MYO3B: variants seen among roughly 807,000 people sequenced by gnomAD.
MYO3B encodes the protein myosin-IIIb.
Under a neutral mutation model 174.6 loss-of-function variants are expected in MYO3B, and 156 were observed. The ratio of observed to expected loss-of-function variants is 0.89; its 90% CI spans 0.78 to 1.02. The LOEUF is 1.02. MYO3B is among the 50% of genes least tolerant of loss of function. The pLI is 0.00. For synonymous variants in MYO3B, 563 were observed against 569.1 expected (o/e 0.99, Z 0.15); for missense variants, 1,632 against 1,639.4 (o/e 1.00, Z 0.08).
chr2:170,459,250 C>T (rs182860669), intron 23 of MYO3B, among the ~76,000 whole-genome samples: 14 of 152,346 alleles, frequency 9.2e-5, no homozygotes, highest in Admixed American at 8.5e-4. Context: ...TGACCCTACC[C>T]ACATCCTGCG....
chr2:170,430,471 G>A (rs921652137), intron 22 of MYO3B, among the ~76,000 whole-genome samples: 16 of 150,504 alleles, frequency 1.1e-4, no homozygotes, highest in East Asian at 3.9e-4. Context: ...TCCTGGGTTC[G>A]AGGGATTCTC....
intron 18 of MYO3B, among the ~76,000 whole-genome samples, chr2:170,401,960 G>T (rs1265374726): frequency 6.6e-6 from 1 of 152,026 alleles, no homozygotes; most frequent in East Asian, 1.9e-4. Flanking sequence ...GTGCCACCAC[G>T]CCCGGCTAAT....
chr2:170,432,455 T>A (rs1289898691), intron 22 of MYO3B, among the ~76,000 whole-genome samples: 1 of 152,084 alleles, frequency 6.6e-6, no homozygotes, highest in Non-Finnish European at 1.5e-5. Flanking sequence ...TTTTTGTACA[T>A]CTTACAATGT....
chr2:170,501,377 T>C (rs1559062138), intron 27 of MYO3B, among the ~76,000 whole-genome samples: 1 of 152,228 alleles, frequency 6.6e-6, no homozygotes, highest in African/African-American at 2.4e-5. Context: ...TAACAGATTT[T>C]GAAAGGGTCA....
At chr2:170,649,047 TTATATAAAATAATATATAATGTATATTA>T (rs1484924655) in intron 32 of MYO3B, among the ~76,000 whole-genome samples, 2,693 of 43,244 alleles carry the variant, frequency 0.062, 213 homozygotes, top group East Asian at 0.095. Flanking sequence ...ATAATGTATA[TTATATAAAATAATATATAATGTATATTA>T]TATATAAAAT....
chr2:170,434,875 GT>G (rs1327082287), intron 22 of MYO3B, among the ~76,000 whole-genome samples: 1 of 152,192 alleles, frequency 6.6e-6, no homozygotes, highest in Non-Finnish European at 1.5e-5. Context: ...GCCCAAGCTG[GT>G]CTCAAATTCC....
chr2:170,494,971 G>A (rs1282947708), intron 25 of MYO3B, among the ~76,000 whole-genome samples: 1 of 152,094 alleles, frequency 6.6e-6, no homozygotes, highest in Non-Finnish European at 1.5e-5. Flanking sequence ...ACAGAGAGGT[G>A]AGTGACTCAC....
chr2:170,650,979 G>A (rs911557269), intron 32 of MYO3B, among the ~76,000 whole-genome samples: 2 of 152,064 alleles, frequency 1.3e-5, no homozygotes, highest in African/African-American at 2.4e-5. Context: ...CTTCTGACTC[G>A]TGGTTTCTTA....
At chr2:170,392,308 C>A in intron 15 of MYO3B, 73 bp from the exon 16 acceptor site, 2 of 1,096,554 alleles carry the variant, frequency 1.8e-6, no homozygotes, top group South Asian at 1.7e-5. Context: ...AAACAACAAA[C>A]AAAAAATGGA....
At chr2:170,410,685 A>T (rs2094540960) in intron 22 of MYO3B, among the ~76,000 whole-genome samples, 1 of 151,586 alleles carries the variant, frequency 6.6e-6, no homozygotes, top group South Asian at 2.1e-4. Flanking sequence ...ATTTTGAAAG[A>T]GGAGAAGACG....
intron 1 of MYO3B, among the ~76,000 whole-genome samples, chr2:170,192,858 A>C (rs184128970): frequency 3.2e-4 from 48 of 151,720 alleles, no homozygotes; most frequent in African/African-American, 1.0e-3. Flanking sequence ...TTCTATTATT[A>C]ATATTTAGTT....
chr2:170,303,553 TGTACA>T (rs2093680071), intron 7 of MYO3B, among the ~76,000 whole-genome samples: 1 of 152,170 alleles, frequency 6.6e-6, no homozygotes, highest in Non-Finnish European at 1.5e-5. Context: ...GAGGATTTAC[TGTACA>T]GATGATTTCA....
chr2:170,387,340 C>T (rs757450015), intron 14 of MYO3B, 32 bp downstream of exon 14: 1 of 1,598,394 alleles, frequency 6.3e-7, no homozygotes, highest in South Asian at 1.1e-5. Context: ...TGTGTTTTTG[C>T]CCTGCAGTAA....
At chr2:170,262,470 G>A (rs923774318) in intron 7 of MYO3B, among the ~76,000 whole-genome samples, 1 of 152,148 alleles carries the variant, frequency 6.6e-6, no homozygotes, top group Non-Finnish European at 1.5e-5. Context: ...GTAAGGATGA[G>A]TTGGGGAAAA....
At chr2:170,423,567 G>T (rs537570177) in intron 22 of MYO3B, among the ~76,000 whole-genome samples, 2 of 148,708 alleles carry the variant, frequency 1.3e-5, no homozygotes, top group Non-Finnish European at 3.0e-5. Context: ...TCCCGGATTT[G>T]CAGAGTTTCA....
At chr2:170,309,120 A>G (rs1425962252) in intron 7 of MYO3B, among the ~76,000 whole-genome samples, 1 of 152,180 alleles carries the variant, frequency 6.6e-6, no homozygotes, top group African/African-American at 2.4e-5. Context: ...TCACTATGGC[A>G]TATAATTTCC....
At chr2:170,280,968 T>A (rs1461216114) in intron 7 of MYO3B, among the ~76,000 whole-genome samples, 1 of 152,206 alleles carries the variant, frequency 6.6e-6, no homozygotes, top group African/African-American at 2.4e-5. Context: ...GGCTCTTTTT[T>A]AGTACCATAT....
At chr2:170,646,238 T>G (rs1698362471) in intron 32 of MYO3B, among the ~76,000 whole-genome samples, 1 of 148,368 alleles carries the variant, frequency 6.7e-6, no homozygotes, top group East Asian at 2.0e-4. Context: ...GCCATCGCAC[T>G]CCAGCCTGGG....
At chr2:170,599,650 A>T (rs535747737) in intron 32 of MYO3B, among the ~76,000 whole-genome samples, 3 of 152,278 alleles carry the variant, frequency 2.0e-5, no homozygotes, top group Admixed American at 2.0e-4. Context: ...TGGGAGGCTG[A>T]GGCAGGAGAA....
Sources: allele counts gnomAD v4.1 joint callset (sites outside exome capture counted in the v4.1 genomes callset), GRCh38; gene constraint gnomAD v4.1.1; transcripts MANE v1.5; gene names NCBI Gene and HGNC (gene_info 2026-07-23, HGNC 2026-07-21).